The following NYAP2 variants were observed in gnomAD, a reference collection of about 807,000 sequenced individuals.
NYAP2 encodes neuronal tyrosine-phosphorylated phosphoinositide-3-kinase adapter 2.
Under a neutral mutation model 50.4 loss-of-function variants are expected in NYAP2, and 23 were observed. The observed-to-expected ratio is 0.46, with a 90% CI of 0.33 to 0.65. The LOEUF is 0.65. Ranked by LOEUF, NYAP2 falls within the 30% of genes least tolerant of loss-of-function variation. NYAP2 has a pLI of 0.02. For synonymous variants in NYAP2, 394 were observed against 365.2 expected (o/e 1.08, Z -0.90); for missense variants, 885 against 861.0 (o/e 1.03, Z -0.35).
chr2:225,537,740 C>T (rs1266578190), intron 4 of NYAP2, among the ~76,000 whole-genome samples: 2 of 152,066 alleles, frequency 1.3e-5, no homozygotes, highest in Non-Finnish European at 2.9e-5. Flanking sequence ...CCCAACAGTC[C>T]CCCAAAGTCT....
intron 5 of NYAP2, among the ~76,000 whole-genome samples, chr2:225,586,035 A>C (rs1692384277): frequency 6.6e-6 from 1 of 152,212 alleles, no homozygotes; most frequent in African/African-American, 2.4e-5. Context: ...TCAGGAATAA[A>C]AGCAAAACTG....
chr2:225,428,030 G>A (rs965969304), intron 3 of NYAP2, among the ~76,000 whole-genome samples: 1 of 152,084 alleles, frequency 6.6e-6, no homozygotes, highest in Non-Finnish European at 1.5e-5. Context: ...GCAGATCAAG[G>A]TAACATTTCT....
intron 3 of NYAP2, among the ~76,000 whole-genome samples, chr2:225,511,373 C>CACAGAG (rs376750469): frequency 0.016 from 1,825 of 117,704 alleles, 18 homozygotes; most frequent in African/African-American, 0.024. Context: ...CACACACACA[C>CACAGAG]AGAGAGAGAG....
chr2:225,500,361 A>T (rs898927736), intron 3 of NYAP2, among the ~76,000 whole-genome samples: 1 of 152,182 alleles, frequency 6.6e-6, no homozygotes, highest in Non-Finnish European at 1.5e-5. Context: ...AAGATGAAAC[A>T]GTGTTTTATT....
intron 3 of NYAP2, among the ~76,000 whole-genome samples, chr2:225,411,712 A>G (rs1410090472): frequency 6.6e-6 from 1 of 152,122 alleles, no homozygotes; most frequent in East Asian, 1.9e-4. Context: ...GGAGAACCAC[A>G]AAGGAGTATG....
intron 4 of NYAP2, among the ~76,000 whole-genome samples, chr2:225,551,112 A>G (rs911093596): frequency 1.3e-5 from 2 of 152,150 alleles, no homozygotes; most frequent in Non-Finnish European, 2.9e-5. Flanking sequence ...ACTCACATTT[A>G]ACAGATAATA....
chr2:225,667,201 T>C, the NYAP2 span, among the ~76,000 whole-genome samples: 3 of 152,316 alleles, frequency 2.0e-5, no homozygotes, highest in Non-Finnish European at 2.9e-5. Context: ...TGCTAGATGC[T>C]TGAGTTTGAA....
At chr2:225,602,703 C>T (rs1692713785) in intron 5 of NYAP2, among the ~76,000 whole-genome samples, 1 of 152,064 alleles carries the variant, frequency 6.6e-6, no homozygotes, top group Admixed American at 6.6e-5. Flanking sequence ...TTTTCCAAAC[C>T]TACTTTGTTG....
chr2:225,469,154 C>T (rs1689972109), intron 3 of NYAP2, among the ~76,000 whole-genome samples: 1 of 152,112 alleles, frequency 6.6e-6, no homozygotes, highest in Non-Finnish European at 1.5e-5. Context: ...CTACAAAAAA[C>T]TTAAACAAAT....
chr2:225,630,596 C>A (rs1693289528), intron 6 of NYAP2, among the ~76,000 whole-genome samples: 2 of 152,108 alleles, frequency 1.3e-5, no homozygotes, highest in African/African-American at 4.8e-5. Context: ...TGCCTTCCAT[C>A]TGGAAATGAA....
At chr2:225,651,388 G>C (rs778989137) in intron 6 of NYAP2, 44 bp from the exon 7 acceptor site, 2 of 1,612,832 alleles carry the variant, frequency 1.2e-6, no homozygotes, top group African/African-American at 2.7e-5. Flanking sequence ...CATTATTCCA[G>C]ATGTCAGTCA....
At chr2:225,619,294 A>G (rs1312059808) in intron 5 of NYAP2, among the ~76,000 whole-genome samples, 1 of 152,256 alleles carries the variant, frequency 6.6e-6, no homozygotes, top group East Asian at 1.9e-4. Context: ...TCTGAAGACC[A>G]TGACTTTTTA....
At chr2:225,665,038 G>C in the NYAP2 span, among the ~76,000 whole-genome samples, 4 of 152,174 alleles carry the variant, frequency 2.6e-5, no homozygotes, top group African/African-American at 9.7e-5. Flanking sequence ...TAGTCTCTGA[G>C]AACAGAAGGG....
At chr2:225,460,298 C>G (rs978517130) in intron 3 of NYAP2, among the ~76,000 whole-genome samples, 1 of 152,158 alleles carries the variant, frequency 6.6e-6, no homozygotes, top group African/African-American at 2.4e-5. Flanking sequence ...ACAGTTTCTA[C>G]TAGGGTTGTT....
At chr2:225,695,434 C>G in the NYAP2 span, among the ~76,000 whole-genome samples, 1 of 151,544 alleles carries the variant, frequency 6.6e-6, no homozygotes, top group African/African-American at 2.4e-5. Context: ...GTATAGAACC[C>G]ATAGTATTTT....
intron 4 of NYAP2, among the ~76,000 whole-genome samples, chr2:225,556,230 A>C (rs1286235261): frequency 6.6e-6 from 1 of 152,208 alleles, no homozygotes; most frequent in African/African-American, 2.4e-5. Flanking sequence ...AGTGGACATA[A>C]ACATTTTCTG....
At chr2:225,601,465 G>C (rs754606361) in intron 5 of NYAP2, among the ~76,000 whole-genome samples, 2 of 152,052 alleles carry the variant, frequency 1.3e-5, no homozygotes, top group Non-Finnish European at 2.9e-5. Context: ...AGAAACCTAC[G>C]TACTGTTTTC....
chr2:225,555,014 A>G (rs1180477618), intron 4 of NYAP2, among the ~76,000 whole-genome samples: 1 of 152,208 alleles, frequency 6.6e-6, no homozygotes, highest in Non-Finnish European at 1.5e-5. Context: ...ATGCAAGATT[A>G]TAGCAACATA....
At chr2:225,501,538 G>A (rs746305645) in intron 3 of NYAP2, among the ~76,000 whole-genome samples, 17 of 152,166 alleles carry the variant, frequency 1.1e-4, no homozygotes, top group Admixed American at 9.8e-4. Context: ...CACAAAACTA[G>A]TTTGTAATAG....
Sources: gnomAD v4.1 joint callset for allele counts (sites outside exome capture counted in the v4.1 genomes callset) on GRCh38, gnomAD v4.1.1 for gene constraint, MANE v1.5 for transcripts, NCBI Gene and HGNC (gene_info 2026-07-23, HGNC 2026-07-21) for gene names.